The following PCNX2 variants were observed in gnomAD, a reference collection of about 807,000 sequenced individuals.
The protein encoded by PCNX2 is pecanex 2, also known as pecanex-like protein 2.
A neutral mutation model predicts 223.8 loss-of-function variants in PCNX2; 168 were observed. The observed-to-expected ratio is 0.75, with a 90% confidence interval of 0.66 to 0.85. The LOEUF (loss-of-function observed/expected upper bound fraction) is 0.85. Ranked by LOEUF, PCNX2 falls within the 40% of genes least tolerant of loss-of-function variation. The probability of loss-of-function intolerance (pLI) is 0.00; values close to 1 mark genes in which losing one functional copy is unlikely to be tolerated. For missense variants in PCNX2, 2,507 were observed against 2,675.5 expected, an observed-to-expected ratio of 0.94 and a Z score of 1.39; for synonymous variants, 1,006 against 1,052.6, an observed-to-expected ratio of 0.96 and a Z score of 0.86.
the PCNX2 span, among the ~76,000 whole-genome samples, chr1:233,316,850 A>G: frequency 6.6e-6 from 1 of 152,228 alleles, no homozygotes; most frequent in Non-Finnish European, 1.5e-5. Flanking sequence ...AGAAATTATC[A>G]AATCTAACAT....
chr1:233,147,581 G>GAA (rs57899098), intron 19 of PCNX2, among the ~76,000 whole-genome samples: 5 of 144,482 alleles, frequency 3.5e-5, no homozygotes, highest in Admixed American at 7.0e-5. Context: ...AACTTTTACT[G>GAA]AAAAAAAAAA....
chr1:233,137,662 A>G (rs916425827), intron 20 of PCNX2, among the ~76,000 whole-genome samples: 2 of 152,234 alleles, frequency 1.3e-5, no homozygotes, highest in African/African-American at 4.8e-5. Flanking sequence ...GAACTTATCC[A>G]GGATGTTACG....
chr1:233,275,967 G>A (rs551542942), intron 1 of PCNX2, among the ~76,000 whole-genome samples: 1 of 152,042 alleles, frequency 6.6e-6, no homozygotes, highest in African/African-American at 2.4e-5. Context: ...GGAGGCAGAG[G>A]TTGCAGTGAG....
At chr1:233,323,900 A>C in the PCNX2 span, among the ~76,000 whole-genome samples, 1 of 152,250 alleles carries the variant, frequency 6.6e-6, no homozygotes, top group Non-Finnish European at 1.5e-5. Context: ...GCACGTGAAA[A>C]GCCAAGATAG....
intron 23 of PCNX2, among the ~76,000 whole-genome samples, chr1:233,074,633 AAGACAAGCTAC>A (rs1459633888): frequency 1.3e-5 from 2 of 150,846 alleles, no homozygotes; most frequent in Admixed American, 6.6e-5. Flanking sequence ...AGAGGACGAA[AAGACAAGCTAC>A]AGACTGGAAT....
intron 17 of PCNX2, among the ~76,000 whole-genome samples, chr1:233,171,225 T>G (rs1679135804): frequency 6.6e-6 from 1 of 152,186 alleles, no homozygotes; most frequent in Non-Finnish European, 1.5e-5. Context: ...TTACTCAGGT[T>G]TGCCAATGTA....
rs1242709019 is a variant in PCNX2, at chr1:233,236,884, T to C, written c.2319A>G (p.Leu773=). ...ACTGGGTCCTGCGAGCCACCATCAG[T>C]AACAGCTGTTGCTGAAGGGCACTGA... The part of the protein sequence containing the change: ...PAVSALQQQL[L]LMVARRTQSE... The change falls in exon 9 of 34, where the codon TTA becomes TTG. Residue 773 remains leucine, a synonymous_variant. Coordinates refer to ENST00000258229, the MANE Select transcript of PCNX2 (RefSeq NM_014801.4). 1.2e-6 allele frequency: 2 copies of C among 1,613,848 alleles called. No individual in the cohort carries two copies. The highest frequency in any genetic ancestry group is 1.3e-5 in the African/African-American group (1 of 74,930).
chr1:233,147,690 A>C (rs1571968367), intron 19 of PCNX2, among the ~76,000 whole-genome samples: 1 of 152,242 alleles, frequency 6.6e-6, no homozygotes, highest in East Asian at 1.9e-4. Context: ...TAAAACATTT[A>C]ATCTTTAGGA....
At chr1:233,119,331 G>C (rs1675611181) in intron 21 of PCNX2, among the ~76,000 whole-genome samples, 2 of 148,798 alleles carry the variant, frequency 1.3e-5, no homozygotes, top group African/African-American at 5.0e-5. Context: ...AGGGCGAGGT[G>C]GGCGGATCAT....
At chr1:233,064,543 C>T (rs1031484550) in intron 23 of PCNX2, among the ~76,000 whole-genome samples, 4 of 152,152 alleles carry the variant, frequency 2.6e-5, no homozygotes, top group African/African-American at 7.2e-5. Flanking sequence ...GTAGGACTAA[C>T]GCTTCATCAC....
At chr1:233,040,341 G>C (rs1421532188) in intron 25 of PCNX2, among the ~76,000 whole-genome samples, 1 of 152,186 alleles carries the variant, frequency 6.6e-6, no homozygotes, top group Non-Finnish European at 1.5e-5. Context: ...TAGATTACAG[G>C]ATTGTCTTCA....
chr1:233,125,433 G>A (rs565635792), intron 21 of PCNX2, among the ~76,000 whole-genome samples: 2 of 152,216 alleles, frequency 1.3e-5, no homozygotes, highest in South Asian at 4.1e-4. Context: ...TCCAATCCCG[G>A]CGGTCTATGC....
intron 19 of PCNX2, among the ~76,000 whole-genome samples, chr1:233,156,009 C>A (rs550776086): frequency 6.6e-6 from 1 of 152,148 alleles, no homozygotes; most frequent in Non-Finnish European, 1.5e-5. Context: ...CACATATACA[C>A]ATTAATATAA....
intron 26 of PCNX2, among the ~76,000 whole-genome samples, chr1:233,021,439 G>T (rs1423256362): frequency 1.3e-5 from 2 of 152,080 alleles, no homozygotes; most frequent in Non-Finnish European, 2.9e-5. Flanking sequence ...AGGTTGCAGT[G>T]AGCCCAGATC....
intron 8 of PCNX2, among the ~76,000 whole-genome samples, chr1:233,237,507 A>G (rs968801202): frequency 3.3e-5 from 5 of 152,228 alleles, no homozygotes; most frequent in Non-Finnish European, 5.9e-5. Context: ...GTTGTGATCT[A>G]TATCTAAAAT....
At chr1:233,007,359 G>A (rs1243879907) in intron 28 of PCNX2, among the ~76,000 whole-genome samples, 12 of 151,968 alleles carry the variant, frequency 7.9e-5, no homozygotes, top group Admixed American at 7.9e-4. Context: ...CCTTTCATAT[G>A]AGAAGAAACA....
chr1:233,003,178 T>C (rs1670152529), intron 28 of PCNX2, among the ~76,000 whole-genome samples: 1 of 152,036 alleles, frequency 6.6e-6, no homozygotes, highest in Non-Finnish European at 1.5e-5. Context: ...ACCAAAGAGC[T>C]TCTGCACAGC....
intron 25 of PCNX2, among the ~76,000 whole-genome samples, chr1:233,043,255 C>G (rs1464227256): frequency 1.3e-5 from 2 of 152,164 alleles, no homozygotes; most frequent in East Asian, 3.9e-4. Context: ...ATAATCAACC[C>G]TCACTTTCCC....
At chr1:233,078,285 G>A (rs1485818811) in intron 23 of PCNX2, among the ~76,000 whole-genome samples, 2 of 152,218 alleles carry the variant, frequency 1.3e-5, no homozygotes, top group African/African-American at 2.4e-5. Context: ...CAGGGAAGAC[G>A]TTTTAATTAG....
Sources: gnomAD v4.1 joint callset for allele counts (sites outside exome capture counted in the v4.1 genomes callset) on GRCh38, gnomAD v4.1.1 for gene constraint, MANE v1.5 for transcripts, NCBI Gene and HGNC (gene_info 2026-07-23, HGNC 2026-07-21) for gene names.